Variants in SNTG1 observed in about 807,000 individuals in gnomAD.
SNTG1 encodes syntrophin gamma 1, also known as gamma-1-syntrophin.
SNTG1 carries 39 observed loss-of-function variants against 74.7 expected under a neutral mutation model. The ratio of observed to expected loss-of-function variants is 0.52; its 90% CI spans 0.40 to 0.68. The LOEUF (loss-of-function observed/expected upper bound fraction) is 0.68. Ranked by LOEUF, SNTG1 falls within the 30% of genes least tolerant of loss-of-function variation. The probability of loss-of-function intolerance (pLI) is 0.00; values close to 1 mark genes in which losing one functional copy is unlikely to be tolerated. For missense variants in SNTG1, 685 were observed against 609.5 expected (o/e 1.12, Z -1.30); for synonymous variants, 254 against 217.1 (o/e 1.17, Z -1.49).
intron 1 of SNTG1, among the ~76,000 whole-genome samples, chr8:49,969,435 C>T (rs189666899): frequency 1.5e-4 from 19 of 130,038 alleles, no homozygotes; most frequent in Non-Finnish European, 2.8e-4. Flanking sequence ...CTCTCTCTGT[C>T]GCCCAGGCAG....
intron 2 of SNTG1, among the ~76,000 whole-genome samples, chr8:50,362,221 G>T (rs2091978986): frequency 6.6e-6 from 1 of 152,106 alleles, no homozygotes; most frequent in South Asian, 2.1e-4. Context: ...ACCAATGCTG[G>T]ATGTCACAGT....
chr8:50,320,926 C>A (rs1346253608), intron 2 of SNTG1, among the ~76,000 whole-genome samples: 1 of 152,026 alleles, frequency 6.6e-6, no homozygotes, highest in Non-Finnish European at 1.5e-5. Flanking sequence ...TGTTTTGTGG[C>A]TTAATATGTG....
At chr8:50,149,659 C>A (rs1466729004) in intron 1 of SNTG1, among the ~76,000 whole-genome samples, 2 of 152,140 alleles carry the variant, frequency 1.3e-5, no homozygotes, top group African/African-American at 4.8e-5. Flanking sequence ...ATCCTTTCCC[C>A]ATTTCTTGTT....
At chr8:49,976,470 G>C (rs1019424922) in intron 1 of SNTG1, among the ~76,000 whole-genome samples, 3 of 152,076 alleles carry the variant, frequency 2.0e-5, no homozygotes, top group Non-Finnish European at 4.4e-5. Context: ...ACTTTCATTG[G>C]AGTGTTTGTG....
At chr8:50,601,150 GACAAAA>G (rs1162170159) in intron 13 of SNTG1, among the ~76,000 whole-genome samples, 7 of 21,888 alleles carry the variant, frequency 3.2e-4, no homozygotes, top group Admixed American at 2.7e-3. Context: ...GAGCCAGCGA[GACAAAA>G]AAAAAAAAAA....
chr8:50,791,091 G>T (rs559033339), intron 18 of SNTG1, among the ~76,000 whole-genome samples: 2 of 151,984 alleles, frequency 1.3e-5, no homozygotes, highest in Non-Finnish European at 2.9e-5. Context: ...ACATTAGGTG[G>T]ATTTAATTTG....
At chr8:50,276,986 C>T (rs181031599) in intron 2 of SNTG1, among the ~76,000 whole-genome samples, 10 of 151,990 alleles carry the variant, frequency 6.6e-5, no homozygotes, top group East Asian at 3.9e-4. Context: ...CCCACCACCA[C>T]GCCTGGCTAA....
Position 49,911,748 on chromosome 8 carries a change from A to C in SNTG1, c.-586A>C, listed in dbSNP as rs1805601737. The C allele has an allele frequency of 1.3e-5, 2 of 152,158 alleles. No homozygotes were observed. The highest frequency in any genetic ancestry group is 1.3e-4 in the Admixed American group (2 of 15,276). The allele number at this position is 152,158 out of a possible 1,614,324, so 9.4% of individuals were successfully genotyped here. On this transcript the variant is annotated 5_prime_UTR_variant, in exon 1 of 19. Transcript: ENST00000642720. ...TCCGGACTGAGCTGCAGCCACAGGG[A>C]CGGAACTACGCTGCCGCCGCCGCTG...
chr8:50,090,431 G>C (rs1172625040), intron 1 of SNTG1, among the ~76,000 whole-genome samples: 1 of 152,138 alleles, frequency 6.6e-6, no homozygotes, highest in Non-Finnish European at 1.5e-5. Context: ...TTCCCTTCAT[G>C]GTGGTAAGAT....
At chr8:49,978,163 G>C (rs1812359063) in intron 1 of SNTG1, among the ~76,000 whole-genome samples, 1 of 152,114 alleles carries the variant, frequency 6.6e-6, no homozygotes, top group Admixed American at 6.5e-5. Context: ...GTAAAGAGAT[G>C]CTGGGATATG....
intron 1 of SNTG1, among the ~76,000 whole-genome samples, chr8:49,935,536 A>C (rs537614966): frequency 6.6e-6 from 1 of 151,658 alleles, no homozygotes; most frequent in African/African-American, 2.4e-5. Context: ...AAAAAAAAAA[A>C]AAAGAAAAAG....
chr8:50,546,555 C>A (rs2094389781), intron 11 of SNTG1, among the ~76,000 whole-genome samples: 1 of 146,156 alleles, frequency 6.8e-6, no homozygotes, highest in South Asian at 2.3e-4. Context: ...ACGACAGTCC[C>A]CAGTGTGTGA....
At chr8:50,122,069 A>T (rs1447568377) in intron 1 of SNTG1, among the ~76,000 whole-genome samples, 1 of 140,414 alleles carries the variant, frequency 7.1e-6, no homozygotes, top group Non-Finnish European at 1.6e-5. Flanking sequence ...ACCATGTCCA[A>T]CCCTCGATGC....
intron 1 of SNTG1, among the ~76,000 whole-genome samples, chr8:50,155,907 A>G (rs2082238971): frequency 6.6e-6 from 1 of 152,068 alleles, no homozygotes; most frequent in Admixed American, 6.6e-5. Flanking sequence ...GTAAAAGAAA[A>G]TAAACAGAAA....
intron 4 of SNTG1, among the ~76,000 whole-genome samples, chr8:50,418,387 C>CT (rs2131438321): frequency 6.6e-6 from 1 of 152,246 alleles, no homozygotes; most frequent in East Asian, 1.9e-4. Context: ...CTCTAAGCAA[C>CT]TTAGAGATCT....
intron 2 of SNTG1, among the ~76,000 whole-genome samples, chr8:50,358,857 A>G (rs1343996394): frequency 6.6e-6 from 1 of 152,208 alleles, no homozygotes; most frequent in African/African-American, 2.4e-5. Context: ...CAAGTGTGAC[A>G]ATAAAACACT....
chr8:50,641,451 C>T (rs2095072483), intron 13 of SNTG1, among the ~76,000 whole-genome samples: 1 of 152,236 alleles, frequency 6.6e-6, no homozygotes, highest in African/African-American at 2.4e-5. Context: ...AAGCACATTG[C>T]TCAGCAGGTC....
chr8:50,507,314 G>A (rs992167902), intron 9 of SNTG1, among the ~76,000 whole-genome samples: 1 of 151,888 alleles, frequency 6.6e-6, no homozygotes, highest in African/African-American at 2.4e-5. Context: ...TCTTTGCTTG[G>A]TTTCAGTATC....
chr8:50,219,734 C>T (rs758982677), intron 2 of SNTG1, among the ~76,000 whole-genome samples: 1 of 152,176 alleles, frequency 6.6e-6, no homozygotes, highest in Non-Finnish European at 1.5e-5. Flanking sequence ...TTACCTCCCA[C>T]CACTCATCCT....
Sources: allele counts gnomAD v4.1 joint callset (sites outside exome capture counted in the v4.1 genomes callset), GRCh38; gene constraint gnomAD v4.1.1; transcripts MANE v1.5; gene names NCBI Gene and HGNC (gene_info 2026-07-23, HGNC 2026-07-21).